The following EYA1 variants were observed in gnomAD, a reference collection of about 807,000 sequenced individuals.
EYA1 encodes the protein protein phosphatase EYA1.
In EYA1, 16 loss-of-function variants were observed where a neutral mutation model predicts 82.0. The ratio of observed to expected loss-of-function variants is 0.20; its 90% confidence interval spans 0.13 to 0.30. The LOEUF (loss-of-function observed/expected upper bound fraction) is 0.30, where lower values mean the gene tolerates loss of function less well. Ranked by LOEUF, EYA1 falls within the 10% of genes least tolerant of loss-of-function variation. The probability of loss-of-function intolerance (pLI) is 1.00; values close to 1 mark genes in which losing one functional copy is unlikely to be tolerated. For synonymous variants in EYA1, 261 were observed against 264.4 expected (o/e 0.99, Z 0.12); for missense variants, 633 against 730.7 (o/e 0.87, Z 1.54).
chr8:71,215,248 G>A (rs1382269617), intron 16 of EYA1, 139 bp downstream of exon 16: 2 of 819,140 alleles, frequency 2.4e-6, no homozygotes, highest in Non-Finnish European at 3.9e-6. Flanking sequence ...ATCCAGTTTT[G>A]CAAATTGGTT....
At chr8:71,265,732 T>C (rs925651827) in intron 11 of EYA1, among the ~76,000 whole-genome samples, 1 of 152,252 alleles carries the variant, frequency 6.6e-6, no homozygotes, top group African/African-American at 2.4e-5. Flanking sequence ...TTTTCTTCAA[T>C]GACATTCTGG....
At chr8:71,438,090 T>G (rs1806138470) in intron 2 of EYA1, among the ~76,000 whole-genome samples, 2 of 152,128 alleles carry the variant, frequency 1.3e-5, no homozygotes, top group Admixed American at 6.6e-5. Flanking sequence ...TATCAAGAAG[T>G]GACCTCCCAA....
At chr8:71,321,251 C>A (rs972071185) in intron 6 of EYA1, among the ~76,000 whole-genome samples, 3 of 152,138 alleles carry the variant, frequency 2.0e-5, no homozygotes, top group Admixed American at 6.5e-5. Context: ...ATATATAGAT[C>A]ACTTTTCCTA....
chr8:71,246,283 C>A (rs1813080390), intron 11 of EYA1, among the ~76,000 whole-genome samples: 1 of 152,160 alleles, frequency 6.6e-6, no homozygotes, highest in Non-Finnish European at 1.5e-5. Flanking sequence ...AATCTCCTTG[C>A]ATCATTATGT....
At chr8:71,246,386 G>A (rs1813095548) in intron 11 of EYA1, among the ~76,000 whole-genome samples, 1 of 152,214 alleles carries the variant, frequency 6.6e-6, no homozygotes, top group South Asian at 2.1e-4. Flanking sequence ...ATGTGCCTTT[G>A]AGTCTTAGAG....
chr8:71,217,709 T>C (rs899336420), intron 12 of EYA1, among the ~76,000 whole-genome samples: 1 of 152,228 alleles, frequency 6.6e-6, no homozygotes, highest in Non-Finnish European at 1.5e-5. Context: ...TTGTGTTATT[T>C]TTAGCTGTTT....
At position 71,505,954 on chromosome 8, in the gene EYA1, T is replaced by C. The variant is rs148480076; in HGVS notation, c.33+29790A>G. ...AGTTCTCATGAAACTGATGGTTTTA[T>C]AAGTGTTTGACAGGTCCTTCTTCAC... On this transcript the variant is annotated intron_variant, in intron 2 of 18. Transcript: ENST00000643681. Among the ~76,000 whole-genome samples the C allele has an allele frequency of 8.5e-5, 13 of 152,286 alleles. No homozygotes were observed. In the East Asian group the frequency reaches 2.5e-3, roughly 29 times the overall value.
intron 2 of EYA1, among the ~76,000 whole-genome samples, chr8:71,442,943 A>G (rs939223152): frequency 2.6e-5 from 4 of 152,234 alleles, no homozygotes; most frequent in African/African-American, 4.8e-5. Context: ...CAAAATGAGA[A>G]CTATTACAGG....
intron 2 of EYA1, among the ~76,000 whole-genome samples, chr8:71,401,386 G>T (rs142848288): frequency 1.3e-5 from 2 of 151,912 alleles, no homozygotes. Context: ...CTTTAACTTC[G>T]GTCTTTATTA....
intron 9 of EYA1, among the ~76,000 whole-genome samples, chr8:71,297,710 A>G (rs1819744353): frequency 6.6e-6 from 1 of 152,152 alleles, no homozygotes; most frequent in Non-Finnish European, 1.5e-5. Flanking sequence ...AAGAACTCCT[A>G]TAATAAATTC....
intron 10 of EYA1, among the ~76,000 whole-genome samples, chr8:71,270,579 T>C (rs1384372070): frequency 6.6e-6 from 1 of 152,336 alleles, no homozygotes; most frequent in African/African-American, 2.4e-5. Flanking sequence ...ACATAGATTC[T>C]GCTAAAAGTT....
Position 71,269,731 on chromosome 8 carries a change from G to T in EYA1, c.1050+9C>A, listed in dbSNP as rs780006551. On this transcript the variant is annotated intron_variant, in intron 11 of 17. Transcript: ENST00000340726. ...AAGAAATTAAAAACTGATGCCTCTT[G>T]GTACTCACCCTCCCATATCTGTTGG... The T allele has an allele frequency of 5.6e-6, 9 of 1,607,280 alleles. No individual in the cohort carries two copies. The highest frequency in any genetic ancestry group is 2.7e-5 in the African/African-American group (2 of 74,770).
At chr8:71,491,561 G>A (rs911756710) in intron 2 of EYA1, among the ~76,000 whole-genome samples, 3 of 152,194 alleles carry the variant, frequency 2.0e-5, no homozygotes, top group Non-Finnish European at 4.4e-5. Flanking sequence ...AATTAAAAGA[G>A]GAGATTAGAA....
At chr8:71,260,248 A>G (rs899328790) in intron 11 of EYA1, among the ~76,000 whole-genome samples, 2 of 152,222 alleles carry the variant, frequency 1.3e-5, no homozygotes, top group African/African-American at 2.4e-5. Context: ...GCTTTAAGTC[A>G]ACATTTAAGA....
chr8:71,287,270 C>T (rs1162955085), intron 9 of EYA1, among the ~76,000 whole-genome samples: 3 of 152,116 alleles, frequency 2.0e-5, no homozygotes, highest in African/African-American at 7.2e-5. Context: ...AAATCTCCCA[C>T]AAAAAACTTT....
chr8:71,521,190 A>T (rs948497921), intron 2 of EYA1, among the ~76,000 whole-genome samples: 4 of 152,164 alleles, frequency 2.6e-5, no homozygotes, highest in African/African-American at 9.7e-5. Flanking sequence ...AAGTAGATAC[A>T]TATAGTAAAT....
At chr8:71,424,985 G>C (rs866527079) in intron 2 of EYA1, among the ~76,000 whole-genome samples, 2 of 151,802 alleles carry the variant, frequency 1.3e-5, no homozygotes, top group African/African-American at 4.8e-5. Context: ...TTTAGGCCGG[G>C]CGCGGTGGCT....
At position 71,520,464 on chromosome 8, in the gene EYA1, A is replaced by G. The variant is rs534468441; in HGVS notation, c.33+15280T>C. Reference sequence around the variant, plus strand: ...GTTTTTGACTGTTAAGAGCTTAACTACAACTCTATCAAGATTTTTAAGAAG... The same window carrying G: ...GTTTTTGACTGTTAAGAGCTTAACTGCAACTCTATCAAGATTTTTAAGAAG... On this transcript the variant is annotated intron_variant, in intron 2 of 18. Transcript: ENST00000643681. Among the ~76,000 whole-genome samples, 5 of 152,342 alleles carry G rather than the reference A, an allele frequency of 3.3e-5. No individual in the cohort carries two copies. In the South Asian group the frequency reaches 8.3e-4, roughly 25 times the overall value.
At chr8:71,399,947 C>T (rs555184077) in intron 2 of EYA1, among the ~76,000 whole-genome samples, 39 of 152,182 alleles carry the variant, frequency 2.6e-4, no homozygotes, top group South Asian at 6.2e-4. Context: ...GTATAAAAAT[C>T]GACACATGGA....
Sources: allele counts gnomAD v4.1 joint callset (sites outside exome capture counted in the v4.1 genomes callset), GRCh38; gene constraint gnomAD v4.1.1; transcripts MANE v1.5; gene names NCBI Gene and HGNC (gene_info 2026-07-23, HGNC 2026-07-21).